The following OR2L13 variants were observed in gnomAD, a reference collection of about 807,000 sequenced individuals.
OR2L13 encodes olfactory receptor family 2 subfamily L member 13, also known as olfactory receptor 2L13.
A neutral mutation model predicts 15.3 loss-of-function variants in OR2L13; 14 were observed. The ratio of observed to expected loss-of-function variants is 0.91; its 90% CI spans 0.60 to 1.43. The LOEUF (loss-of-function observed/expected upper bound fraction) is 1.43, where lower values mean the gene tolerates loss of function less well. OR2L13 is among the 40% of genes most tolerant of loss of function. OR2L13 has a pLI of 0.00. For synonymous variants in OR2L13, 152 were observed against 142.9 expected, an observed-to-expected ratio of 1.06 and a Z score of -0.45; for missense variants, 367 against 387.9, an observed-to-expected ratio of 0.95 and a Z score of 0.45.
the OR2L13 span, chr1:247,966,173 G>C: frequency 1.2e-6 from 2 of 1,614,076 alleles, no homozygotes; most frequent in Non-Finnish European, 1.7e-6. Context: ...CACTCCTTGC[G>C]TTCCCCTTCA....
At chr1:247,980,372 T>C in the OR2L13 span, among the ~76,000 whole-genome samples, 2 of 152,320 alleles carry the variant, frequency 1.3e-5, no homozygotes, top group Non-Finnish European at 2.9e-5. Flanking sequence ...ATTAACATAG[T>C]TCCACTTTTA....
At chr1:247,941,026 C>G in the OR2L13 span, among the ~76,000 whole-genome samples, 1 of 151,904 alleles carries the variant, frequency 6.6e-6, no homozygotes, top group Non-Finnish European at 1.5e-5. Context: ...TTTTCGTATG[C>G]TTGTTGGCCA....
chr1:247,943,746 A>C, the OR2L13 span, among the ~76,000 whole-genome samples: 1 of 152,252 alleles, frequency 6.6e-6, no homozygotes, highest in East Asian at 1.9e-4. Flanking sequence ...GTAAGTGAGA[A>C]GCATCTGTAT....
the OR2L13 span, chr1:247,948,811 T>C: frequency 2.0e-6 from 3 of 1,497,182 alleles, no homozygotes; most frequent in Admixed American, 1.9e-5. Context: ...TTACTGTACG[T>C]AAATTACTCT....
the OR2L13 span, chr1:247,980,739 C>T: frequency 6.6e-6 from 1 of 152,238 alleles, no homozygotes; most frequent in South Asian, 2.1e-4. Flanking sequence ...GGTAAAGAAA[C>T]ACCGGAATCA....
At chr1:248,069,658 T>C in the OR2L13 span, among the ~76,000 whole-genome samples, 5 of 152,048 alleles carry the variant, frequency 3.3e-5, no homozygotes, top group South Asian at 2.1e-4. Flanking sequence ...CTAAATGCTC[T>C]AATTAAAAGA....
the OR2L13 span, among the ~76,000 whole-genome samples, chr1:248,054,061 G>C: frequency 1.3e-5 from 2 of 152,092 alleles, no homozygotes; most frequent in Non-Finnish European, 2.9e-5. Flanking sequence ...ATATTGCCTA[G>C]ATTTTCTTCT....
the OR2L13 span, among the ~76,000 whole-genome samples, chr1:248,069,828 GTC>G: frequency 6.6e-6 from 1 of 152,110 alleles, no homozygotes; most frequent in African/African-American, 2.4e-5. Flanking sequence ...TGCAATCCTA[GTC>G]TCTGATAAAA....
At chr1:247,940,032 T>C in the OR2L13 span, among the ~76,000 whole-genome samples, 1 of 152,156 alleles carries the variant, frequency 6.6e-6, no homozygotes, top group Non-Finnish European at 1.5e-5. Flanking sequence ...AATCAGTTTC[T>C]TTTCAAAAAT....
At chr1:248,052,174 T>C in the OR2L13 span, among the ~76,000 whole-genome samples, 1 of 152,224 alleles carries the variant, frequency 6.6e-6, no homozygotes, top group African/African-American at 2.4e-5. Flanking sequence ...GCATTTAGGA[T>C]TTTTATTCAT....
At chr1:247,977,913 G>T in the OR2L13 span, among the ~76,000 whole-genome samples, 2 of 152,072 alleles carry the variant, frequency 1.3e-5, no homozygotes, top group African/African-American at 4.8e-5. Context: ...CGACCAATCA[G>T]CAGTCCCCAC....
chr1:248,092,869 C>A (rs1664632094), upstream of OR2L13, among the ~76,000 whole-genome samples: 1 of 152,104 alleles, frequency 6.6e-6, no homozygotes, highest in South Asian at 2.1e-4. Context: ...GATGCTCAAT[C>A]TTTGGTCAGA....
chr1:247,947,956 C>T, the OR2L13 span, among the ~76,000 whole-genome samples: 1 of 152,158 alleles, frequency 6.6e-6, no homozygotes, highest in Non-Finnish European at 1.5e-5. Context: ...GAGCTGTTGC[C>T]TGCAATCACA....
At chr1:248,077,494 A>G in the OR2L13 span, among the ~76,000 whole-genome samples, 19 of 152,148 alleles carry the variant, frequency 1.2e-4, no homozygotes, top group Non-Finnish European at 2.5e-4. Flanking sequence ...GGTGTAGGCT[A>G]TTAATTATTG....
chr1:247,993,803 GAGAGAGAGAAAGAAAGAGAAAGAA>G, the OR2L13 span, among the ~76,000 whole-genome samples: 3 of 132,416 alleles, frequency 2.3e-5, no homozygotes, highest in African/African-American at 1.1e-4. Flanking sequence ...GAGAGAGAGA[GAGAGAGAGAAAGAAAGAGAAAGAA>G]AGAGAGAGAG....
At chr1:248,072,260 G>A in the OR2L13 span, among the ~76,000 whole-genome samples, 1 of 152,224 alleles carries the variant, frequency 6.6e-6, no homozygotes, top group South Asian at 2.1e-4. Flanking sequence ...AAACAGCATG[G>A]TACTGGTACC....
At chr1:248,057,909 T>C in the OR2L13 span, among the ~76,000 whole-genome samples, 1 of 152,212 alleles carries the variant, frequency 6.6e-6, no homozygotes, top group Non-Finnish European at 1.5e-5. Context: ...TTATGTCATA[T>C]GCAAACAGAA....
At chr1:248,006,256 T>A in the OR2L13 span, among the ~76,000 whole-genome samples, 1 of 118,970 alleles carries the variant, frequency 8.4e-6, no homozygotes, top group African/African-American at 4.6e-5. Context: ...TGTGTGTGTG[T>A]GTGTGTGTGT....
the OR2L13 span, chr1:247,991,172 G>T: frequency 6.2e-7 from 1 of 1,604,300 alleles, no homozygotes; most frequent in South Asian, 1.1e-5. Flanking sequence ...GCCCTGACAC[G>T]AGTGATTCAG....
Sources: allele counts gnomAD v4.1 joint callset (sites outside exome capture counted in the v4.1 genomes callset), GRCh38; gene constraint gnomAD v4.1.1; transcripts MANE v1.5; gene names NCBI Gene and HGNC (gene_info 2026-07-23, HGNC 2026-07-21).